SLC6A13: variants seen among roughly 807,000 people sequenced by gnomAD.
The protein encoded by SLC6A13 is solute carrier family 6 member 13.
SLC6A13 carries 69 observed loss-of-function variants against 72.9 expected under a neutral mutation model. That is an observed-to-expected ratio of 0.95 (90% CI 0.78 to 1.16). The LOEUF (loss-of-function observed/expected upper bound fraction) is 1.16, where lower values mean the gene tolerates loss of function less well. SLC6A13 is among the 50% of genes most tolerant of loss of function. SLC6A13 has a pLI of 0.00. For synonymous variants in SLC6A13, 303 were observed against 303.0 expected, an observed-to-expected ratio of 1.00 and a Z score of 0.00; for missense variants, 735 against 760.5, an observed-to-expected ratio of 0.97 and a Z score of 0.39.
At chr12:238,071 C>T in intron 4 of SLC6A13, 61 bp from the exon 5 acceptor site, 3 of 1,588,366 alleles carry the variant, frequency 1.9e-6, no homozygotes, top group Non-Finnish European at 1.7e-6. Context: ...TATGACACAA[C>T]TGGAGAGTGG....
intron 7 of SLC6A13, among the ~76,000 whole-genome samples, chr12:228,157 G>T (rs1260827915): frequency 6.6e-6 from 1 of 152,086 alleles, no homozygotes; most frequent in Non-Finnish European, 1.5e-5. Flanking sequence ...GTAATTCTCG[G>T]CTCACAAAAA....
intron 9 of SLC6A13, 122 bp downstream of exon 9, chr12:226,268 C>T (rs3782867): frequency 8.5e-7 from 1 of 1,180,550 alleles, no homozygotes. Flanking sequence ...CAGAACGCAT[C>T]CACTGAATGG....
intron 8 of SLC6A13, among the ~76,000 whole-genome samples, chr12:227,258 T>C (rs1475523235): frequency 2.6e-5 from 4 of 152,182 alleles, no homozygotes; most frequent in South Asian, 4.1e-4. Flanking sequence ...AGACCTGTGG[T>C]GCTTCTCAGG....
At chr12:224,208 C>T (rs1394558476) in intron 10 of SLC6A13, 79 bp from the exon 11 acceptor site, 1 of 1,569,764 alleles carries the variant, frequency 6.4e-7, no homozygotes. Context: ...TTCTCGCTCC[C>T]AGGATCAGCC....
At chr12:261,875 G>A (rs925398580) in intron 1 of SLC6A13, among the ~76,000 whole-genome samples, 4 of 151,526 alleles carry the variant, frequency 2.6e-5, no homozygotes, top group South Asian at 2.1e-4. Context: ...GCAGTGAGCC[G>A]AGATCGCGCC....
At chr12:224,266 GT>G in intron 10 of SLC6A13, 134 bp downstream of exon 10, 2 of 1,368,832 alleles carry the variant, frequency 1.5e-6, no homozygotes, top group South Asian at 1.3e-5. Context: ...TCCTTGCCTG[GT>G]TAGGTCAGGA....
intron 7 of SLC6A13, among the ~76,000 whole-genome samples, chr12:228,458 A>G (rs1173615371): frequency 6.6e-6 from 1 of 152,124 alleles, no homozygotes; most frequent in Admixed American, 6.5e-5. Context: ...ATGGACGCAG[A>G]CATCCAAGCA....
intron 2 of SLC6A13, among the ~76,000 whole-genome samples, chr12:257,819 T>A (rs1942796002): frequency 6.6e-6 from 1 of 152,154 alleles, no homozygotes; most frequent in African/African-American, 2.4e-5. Context: ...GTGCTTTGCA[T>A]TAGACCTGGA....
At chr12:229,730 G>A (rs558610055) in intron 7 of SLC6A13, among the ~76,000 whole-genome samples, 2 of 152,208 alleles carry the variant, frequency 1.3e-5, no homozygotes, top group African/African-American at 2.4e-5. Flanking sequence ...CTGACGGTGC[G>A]CTGGGTGCAG....
intron 2 of SLC6A13, 195 bp downstream of exon 2, chr12:259,656 G>GA: frequency 1.4e-6 from 2 of 1,441,138 alleles, no homozygotes; most frequent in Non-Finnish European, 1.8e-6. Flanking sequence ...CGTTATAATA[G>GA]AAAGAGCCCT....
At chr12:221,596 C>A (rs1358317201) in intron 13 of SLC6A13, 50 bp from the exon 14 acceptor site, 1 of 1,218,564 alleles carries the variant, frequency 8.2e-7, no homozygotes. Context: ...GGGCCTTGTG[C>A]CCTCAGCTCC....
intron 2 of SLC6A13, among the ~76,000 whole-genome samples, chr12:244,168 T>C (rs993467318): frequency 1.4e-4 from 22 of 152,254 alleles, no homozygotes; most frequent in Admixed American, 3.9e-4. Flanking sequence ...CTATAATTCT[T>C]TTCAAAGAAA....
intron 11 of SLC6A13, 130 bp from the exon 12 acceptor site, chr12:223,364 T>C: frequency 1.9e-6 from 1 of 533,302 alleles, no homozygotes; most frequent in South Asian, 3.1e-5. Context: ...AGATGGATCA[T>C]AAAAGAGAAG....
In SLC6A13 at chr12:221,071, C is replaced by A; in HGVS notation, c.1687-1G>T. Reference sequence around the variant, plus strand: ...CTGGGCACATGAGCTGACGGATTCTCTGCGGGGATAGCAGAGGTGGCTGTC... The same window carrying A: ...CTGGGCACATGAGCTGACGGATTCTATGCGGGGATAGCAGAGGTGGCTGTC... On this transcript the variant is annotated splice_acceptor_variant, in intron 14 of 14. Transcript: ENST00000343164. LOFTEE classifies it high-confidence loss of function. 1.3e-6 allele frequency: 2 copies of A among 1,598,128 alleles called. No individual in the cohort carries two copies. The highest frequency in any genetic ancestry group is 8.5e-7 in the Non-Finnish European group (1 of 1,173,718).
Position 222,534 on chromosome 12 carries a change from T to C in SLC6A13, c.1513A>G (p.Thr505Ala), listed in dbSNP as rs1409075754. Residue 505 changes from threonine to alanine, a missense_variant and splice_region_variant, in exon 13 of 15, where the codon ACA (threonine) becomes GCA (alanine). Physicochemically the swap from Thr to Ala is moderately conservative, Grantham distance 58. Coordinates refer to ENST00000343164, the MANE Select transcript of SLC6A13 (RefSeq NM_016615.5). ...CWLFLTPAVC[T>A]ATFLFSLIKY... ...CTTTATCCCTGAAATGATCTTACTG[T>C]GCACACAGCTGGTGTGAGGAAGAGC... 1 of 1,591,162 alleles carries C rather than the reference T, an allele frequency of 6.3e-7. No individual in the cohort carries two copies. The highest frequency in any genetic ancestry group is 1.3e-5 in the African/African-American group (1 of 74,488).
At chr12:258,914 C>T in intron 2 of SLC6A13, 1 of 985,382 alleles carries the variant, frequency 1.0e-6, no homozygotes, top group Non-Finnish European at 1.2e-6. Flanking sequence ...GCTTAGGGAG[C>T]CTCACCGTGC....
rs1941173593 is a variant in SLC6A13, at chr12:220,913, G to A, written c.*35C>T. The A allele has an allele frequency of 4.4e-6, 7 of 1,608,576 alleles. No individual in the cohort carries two copies. Among genetic ancestry groups the A allele is most frequent in the Non-Finnish European group, 5.9e-6 (7 of 1,179,512 alleles). On this transcript the variant is annotated 3_prime_UTR_variant, in exon 15 of 15. Transcript: ENST00000343164. ...CGTTCCCTCCACAGCCATCCCCAAG[G>A]CCAGGCACACAGGCACCATCCAAGG...
At chr12:248,184 G>A (rs1942419957) in intron 2 of SLC6A13, among the ~76,000 whole-genome samples, 1 of 152,050 alleles carries the variant, frequency 6.6e-6, no homozygotes, top group Non-Finnish European at 1.5e-5. Context: ...TTGTTAGACT[G>A]GCTTTTAAAA....
At position 227,672 on chromosome 12, in the gene SLC6A13, C is replaced by T. The variant is rs751008722; in HGVS notation, c.832-4G>A. On this transcript the variant is annotated splice_polypyrimidine_tract_variant and splice_region_variant and intron_variant, in intron 7 of 14. Coordinates refer to ENST00000343164, the MANE Select transcript of SLC6A13 (RefSeq NM_016615.5). ...GGGTGCCTGCATCCATCCACACCTA[C>T]AAAGGGGAAGGGCAAGAAAGGTGAA... The T allele has an allele frequency of 6.3e-7, 1 of 1,597,090 alleles. No homozygotes were observed. The highest frequency in any genetic ancestry group is 1.1e-5 in the South Asian group (1 of 88,456).
Sources: gnomAD v4.1 joint callset for allele counts (sites outside exome capture counted in the v4.1 genomes callset) on GRCh38, gnomAD v4.1.1 for gene constraint, MANE v1.5 for transcripts, NCBI Gene and HGNC (gene_info 2026-07-23, HGNC 2026-07-21) for gene names.